Variants in ARHGAP45 observed in about 807,000 individuals in gnomAD.
ARHGAP45 encodes rho GTPase-activating protein 45.
Under a neutral mutation model 116.1 loss-of-function variants are expected in ARHGAP45, and 56 were observed. The observed-to-expected ratio is 0.48, with a 90% CI of 0.39 to 0.60. The LOEUF (loss-of-function observed/expected upper bound fraction) is 0.60. Among genes scored for constraint, ARHGAP45 ranks in the 20% least tolerant of loss-of-function variants. The probability of loss-of-function intolerance (pLI) is 0.00; values close to 1 mark genes in which losing one functional copy is unlikely to be tolerated. For missense variants in ARHGAP45, 1,622 were observed against 1,601.0 expected (o/e 1.01, Z -0.22); for synonymous variants, 866 against 701.7 (o/e 1.23, Z -3.70).
In ARHGAP45 at chr19:1,067,555, G is replaced by T. The variant is rs1165122126; in HGVS notation, c.90+60G>T. The T allele has an allele frequency of 4.8e-6, 7 of 1,446,300 alleles. No homozygotes were observed. In the South Asian group the frequency reaches 6.1e-5, roughly 13 times the overall value. 89.6% of individuals were successfully genotyped at this position (1,446,300 alleles called of 1,614,324 possible). A position where few individuals can be genotyped will look rare whatever the true frequency, so the allele number is the denominator to read the frequency against. On this transcript the variant is annotated intron_variant, in intron 1 of 22. Transcript: ENST00000313093. ...CCGGGCCGCAGGGGGACAGGGACCCGCCCTGTGCTCGGGGCTCATGCTGGG... is the reference window on the plus strand; with the variant it reads ...CCGGGCCGCAGGGGGACAGGGACCCTCCCTGTGCTCGGGGCTCATGCTGGG...
upstream of ARHGAP45, chr19:1,066,246 G>C: frequency 1.0e-6 from 1 of 956,852 alleles, no homozygotes; most frequent in Non-Finnish European, 1.5e-6. Flanking sequence ...ACAGCAGGGA[G>C]ACTTGGGGAG....
At chr19:1,073,418 C>A in intron 3 of ARHGAP45, 88 bp from the exon 4 acceptor site, 1 of 1,563,854 alleles carries the variant, frequency 6.4e-7, no homozygotes, top group South Asian at 1.1e-5. Flanking sequence ...CTCCTGTTCC[C>A]CCTGGGTTAA....
At position 1,077,313 on chromosome 19, in the gene ARHGAP45, A is replaced by G. The variant is rs2043275662; in HGVS notation, c.1186-544A>G. On this transcript the variant is annotated intron_variant, in intron 10 of 22. Transcript: ENST00000313093. ...GCTGCACCTCAGCTTCCCGGGCTGC[A>G]GAGTGGGCACACAGGACACCCATTT... 25 of 984,366 alleles carry G rather than the reference A, an allele frequency of 2.5e-5. No homozygotes were observed. In the South Asian group the frequency reaches 9.4e-4, roughly 37 times the overall value. 61.0% of individuals were successfully genotyped at this position (984,366 alleles called of 1,614,324 possible). A position where few individuals can be genotyped will look rare whatever the true frequency, so the allele number is the denominator to read the frequency against.
chr19:1,073,856 C>G, intron 5 of ARHGAP45, 92 bp from the exon 6 acceptor site: 4 of 1,533,814 alleles, frequency 2.6e-6, no homozygotes, highest in Admixed American at 3.9e-5. Flanking sequence ...CTTGGTTTCC[C>G]TCTCTGGGGG....
chr19:1,084,846 G>A (rs34912310), intron 22 of ARHGAP45, among the ~76,000 whole-genome samples: 8,300 of 152,226 alleles, frequency 0.055, 331 homozygotes, highest in Non-Finnish European at 0.077. Flanking sequence ...CGCACTTTGG[G>A]AGGACAAGGC....
At position 1,077,879 on chromosome 19, in the gene ARHGAP45, G is replaced by A. The variant is rs1027163163; in HGVS notation, c.1208G>A (p.Arg403His). 5.1e-6 allele frequency: 8 copies of A among 1,553,770 alleles called. No homozygotes were observed. Among genetic ancestry groups the A allele is most frequent in the Non-Finnish European group, 7.0e-6 (8 of 1,148,478 alleles). The change falls in exon 11 of 23, where the codon CGC (arginine) becomes CAC (histidine). Residue 403 changes from arginine to histidine, a missense_variant. Transcript: ENST00000313093. Reference sequence around the variant, plus strand: ...CAGCAAGAGGCGGAGTCCAACCTGCGCAAGGCCAAGCAGGGTTACGTGCAG... The same window carrying A: ...CAGCAAGAGGCGGAGTCCAACCTGCACAAGGCCAAGCAGGGTTACGTGCAG... ...RKLQEAESNL[R>H]KAKQGYVQRC...
intron 1 of ARHGAP45, among the ~76,000 whole-genome samples, chr19:1,067,877 G>A (rs954759538): frequency 2.0e-5 from 3 of 150,792 alleles, no homozygotes; most frequent in South Asian, 4.2e-4. Context: ...AAGGTTGACC[G>A]GGCAGCAGAT....
chr19:1,079,955 C>T lies in ARHGAP45; in HGVS notation c.1540C>T (p.His514Tyr). Residue 514 changes from histidine to tyrosine, a missense_variant, in exon 13 of 23, where the codon CAT becomes TAT. Around this residue, in one of 3 missense-constraint regions of ARHGAP45, gnomAD observed 1,334 missense variants for 1,263.8 expected, o/e 1.06. Coordinates refer to ENST00000313093, the MANE Select transcript of ARHGAP45 (RefSeq NM_012292.5). ...CACGATCTCCTACTACCAGATGATG[C>T]ATATGCAGACGGCGCCGCTGCCCGT... is the stretch of plus-strand genomic sequence containing the variant. ...SATISYYQMM[H>Y]MQTAPLPVHF... The T allele has an allele frequency of 6.2e-7, 1 of 1,612,412 alleles. No homozygotes were observed. Among genetic ancestry groups the T allele is most frequent in the Non-Finnish European group, 8.5e-7 (1 of 1,179,560 alleles).
At position 1,070,329 on chromosome 19, in the gene ARHGAP45, C is replaced by CTTT. The variant is rs1172163710; in HGVS notation, c.421+1602_421+1604dup. On this transcript the variant is annotated intron_variant, in intron 2 of 22. Coordinates refer to ENST00000313093, the MANE Select transcript of ARHGAP45 (RefSeq NM_012292.5). ...TTTTTCTTTCTTTTTCTTTTCTTTT[C>CTTT]TTTTTTTTTTTTTTTTTTTGAGACA... Among the ~76,000 whole-genome samples the CTTT allele has an allele frequency of 4.2e-4, 39 of 93,284 alleles. 1 individual carries two copies. The highest frequency in any genetic ancestry group is 1.1e-3 in the African/African-American group (24 of 22,346). The allele number at this position is 93,284 out of a possible 152,430, so 61.2% of individuals were successfully genotyped here.
At position 1,080,953 on chromosome 19, in the gene ARHGAP45, C is replaced by T. The variant is rs149442520; in HGVS notation, c.2079C>T (p.His693=). ...CCGTGCCCAGTGGACCGTTCCGCCA[C>T]GAGGGGCTGTCCAAGGCGGCCCGTA... The part of the protein sequence containing the change: ...PVAVPSGPFR[H]EGLSKAARTH... Residue 693 remains histidine, a synonymous_variant, in exon 17 of 23, where the codon CAC becomes CAT. Coordinates refer to ENST00000313093, the MANE Select transcript of ARHGAP45 (RefSeq NM_012292.5). 1.1e-5 allele frequency: 18 copies of T among 1,609,266 alleles called. No homozygotes were observed. The highest frequency in any genetic ancestry group is 5.0e-5 in the Admixed American group (3 of 59,570).
At chr19:1,070,309 C>T in intron 2 of ARHGAP45, among the ~76,000 whole-genome samples, 3 of 126,976 alleles carry the variant, frequency 2.4e-5, no homozygotes, top group South Asian at 2.7e-4. Context: ...TTCTTTTTTT[C>T]TTTCTTTTTC....
At chr19:1,077,401 G>A (rs919975015) in intron 10 of ARHGAP45, 27 of 970,550 alleles carry the variant, frequency 2.8e-5, no homozygotes, top group Admixed American at 6.5e-5. Flanking sequence ...TTTTGAGCTG[G>A]AATCTCTGTT....
chr19:1,067,568 G>C (rs1468341757), intron 1 of ARHGAP45, 73 bp downstream of exon 1: 6 of 1,392,020 alleles, frequency 4.3e-6, no homozygotes, highest in Non-Finnish European at 6.0e-6. Flanking sequence ...CTGTGCTCGG[G>C]GCTCATGCTG....
chr19:1,081,716 AGCGGCGG>A lies in ARHGAP45; in HGVS notation c.2361_2367del (p.Arg788CysfsTer12). The stretch of plus-strand genomic sequence containing the variant: ...GTCAAGAAGTGCGTCTGCGAGATCG[AGCGGCGG>A]GCGCTGCGCACCAAGGTGAGGCGGG... On this transcript the variant is annotated frameshift_variant, in exon 18 of 23. Coordinates refer to ENST00000313093, the MANE Select transcript of ARHGAP45 (RefSeq NM_012292.5). LOFTEE classifies it high-confidence loss of function. 1 of 1,573,262 alleles carries A rather than the reference AGCGGCGG, an allele frequency of 6.4e-7. No homozygotes were observed. The highest frequency in any genetic ancestry group is 8.6e-7 in the Non-Finnish European group (1 of 1,159,452).
chr19:1,066,159 C>A (rs1323566727), upstream of ARHGAP45: 3 of 1,535,428 alleles, frequency 2.0e-6, no homozygotes, highest in Middle Eastern at 3.3e-4. Flanking sequence ...CCCCTCCCAC[C>A]CGAGGTAGGT....
At position 1,071,102 on chromosome 19, in the gene ARHGAP45, C is replaced by A. The variant is rs1337939845; in HGVS notation, c.422-2047C>A. ...TCAGTTTCCCTGCCCGTCCTCGACCCTCCCCACCTCGAAGCTCTGCGGTTA... is the reference window on the plus strand; with the variant it reads ...TCAGTTTCCCTGCCCGTCCTCGACCATCCCCACCTCGAAGCTCTGCGGTTA... On this transcript the variant is annotated intron_variant, in intron 2 of 22. Coordinates refer to ENST00000313093, the MANE Select transcript of ARHGAP45 (RefSeq NM_012292.5). This position sits in a 1 kb window ranked among gnomAD's most constrained non-coding sequence, Gnocchi z 4.6. 1.1e-5 allele frequency: 12 copies of A among 1,058,830 alleles called. No homozygotes were observed. The highest frequency in any genetic ancestry group is 1.5e-5 in the Non-Finnish European group (12 of 810,878). 65.6% of individuals were successfully genotyped at this position (1,058,830 alleles called of 1,614,324 possible).
Position 1,071,121 on chromosome 19 carries a change from G to A in ARHGAP45, c.422-2028G>A. On this transcript the variant is annotated intron_variant, in intron 2 of 22. Coordinates refer to ENST00000313093, the MANE Select transcript of ARHGAP45 (RefSeq NM_012292.5). The surrounding 1 kb of genome is among the most constrained non-coding windows in gnomAD (Gnocchi z 4.6). ...TCGACCCTCCCCACCTCGAAGCTCT[G>A]CGGTTAAGGAAGGACCCAGGCTGGG... 8.4e-7 allele frequency: 1 copy of A among 1,185,708 alleles called. No individual in the cohort carries two copies. The highest frequency in any genetic ancestry group is 1.7e-5 in the African/African-American group (1 of 60,358). The allele number at this position is 1,185,708 out of a possible 1,614,324, so 73.4% of individuals were successfully genotyped here. A position where few individuals can be genotyped will look rare whatever the true frequency, so the allele number is the denominator to read the frequency against.
At position 1,084,241 on chromosome 19, in the gene ARHGAP45, GAGTCA is replaced by G; in HGVS notation, c.2960_2964del (p.Glu987ValfsTer6). 6.2e-7 allele frequency: 1 copy of G among 1,613,520 alleles called. No individual in the cohort carries two copies. Among genetic ancestry groups the G allele is most frequent in the Non-Finnish European group, 8.5e-7 (1 of 1,179,836 alleles). On this transcript the variant is annotated frameshift_variant, in exon 22 of 23. Coordinates refer to ENST00000313093, the MANE Select transcript of ARHGAP45 (RefSeq NM_012292.5). LOFTEE classifies it high-confidence loss of function. ...GACTTCCGTTCTGCACTTGCAGGACGAGTCATCCAACCAGCGAGCTGAGGTAGTCG... is the reference window on the plus strand; with the variant it reads ...GACTTCCGTTCTGCACTTGCAGGACGTCCAACCAGCGAGCTGAGGTAGTCG...
At chr19:1,078,200 G>C (rs1172492557) in intron 11 of ARHGAP45, among the ~76,000 whole-genome samples, 155 bp downstream of exon 11, 1 of 152,172 alleles carries the variant, frequency 6.6e-6, no homozygotes, top group Non-Finnish European at 1.5e-5. Context: ...CTGGAGTGCA[G>C]TGGCACAGTC....
Sources: allele counts gnomAD v4.1 joint callset (sites outside exome capture counted in the v4.1 genomes callset), GRCh38; gene constraint gnomAD v4.1.1; regional missense constraint gnomAD v4.1.1; non-coding constraint Gnocchi (gnomAD v3.1); transcripts MANE v1.5; gene names NCBI Gene and HGNC (gene_info 2026-07-23, HGNC 2026-07-21).